ATRNL1: variants seen among roughly 807,000 people sequenced by gnomAD.
The protein encoded by ATRNL1 is attractin like 1.
A neutral mutation model predicts 182.7 loss-of-function variants in ATRNL1; 95 were observed. That is an observed-to-expected ratio of 0.52 (90% CI 0.44 to 0.62). ATRNL1 has a LOEUF of 0.62. ATRNL1 is among the 20% of genes least tolerant of loss of function. The pLI, the probability that ATRNL1 is intolerant of heterozygous loss-of-function variation, is 0.00. For synonymous variants in ATRNL1, 576 were observed against 568.3 expected, an observed-to-expected ratio of 1.01 and a Z score of -0.19; for missense variants, 1,471 against 1,679.5, an observed-to-expected ratio of 0.88 and a Z score of 2.17.
chr10:115,197,595 A>G (rs1848408705), intron 8 of ATRNL1, among the ~76,000 whole-genome samples: 1 of 152,140 alleles, frequency 6.6e-6, no homozygotes, highest in Non-Finnish European at 1.5e-5. Flanking sequence ...AAGGTCAAAT[A>G]AGATTACACT....
chr10:115,169,575 A>G (rs977608744), intron 7 of ATRNL1, among the ~76,000 whole-genome samples: 1 of 151,972 alleles, frequency 6.6e-6, no homozygotes, highest in Non-Finnish European at 1.5e-5. Context: ...TTGTTCTTTT[A>G]CAAGATTGTT....
intron 5 of ATRNL1, among the ~76,000 whole-genome samples, chr10:115,156,443 A>C (rs1262361965): frequency 6.6e-6 from 1 of 152,120 alleles, no homozygotes; most frequent in Admixed American, 6.6e-5. Flanking sequence ...TAGATATCCA[A>C]GTGGAAATGT....
intron 26 of ATRNL1, among the ~76,000 whole-genome samples, chr10:115,691,517 T>C (rs542798804): frequency 6.6e-6 from 1 of 152,288 alleles, no homozygotes; most frequent in Non-Finnish European, 1.5e-5. Context: ...AGTTCAGGAA[T>C]TGGAGACCAG....
chr10:115,715,619 A>G (rs186578372), intron 26 of ATRNL1, among the ~76,000 whole-genome samples: 10 of 152,362 alleles, frequency 6.6e-5, no homozygotes, highest in Non-Finnish European at 1.5e-4. Context: ...AGAGACAACT[A>G]ACACATTGGA....
intron 19 of ATRNL1, among the ~76,000 whole-genome samples, chr10:115,367,471 C>T (rs1483437037): frequency 6.7e-6 from 1 of 149,694 alleles, no homozygotes; most frequent in Non-Finnish European, 1.5e-5. Context: ...TGAATGTCCT[C>T]CCATAGCTCA....
intron 26 of ATRNL1, among the ~76,000 whole-genome samples, chr10:115,587,605 G>A (rs1289402878): frequency 1.8e-5 from 2 of 112,778 alleles, no homozygotes; most frequent in Admixed American, 1.0e-4. Context: ...GCAATGCCTC[G>A]CCCGCTTCGG....
intron 14 of ATRNL1, among the ~76,000 whole-genome samples, chr10:115,282,304 A>G (rs1355803097): frequency 3.3e-5 from 5 of 150,078 alleles, no homozygotes; most frequent in African/African-American, 1.2e-4. Flanking sequence ...CATGTGCACA[A>G]TGTGCAGGTT....
intron 28 of ATRNL1, 116 bp from the exon 29 acceptor site, chr10:115,944,542 A>G (rs1348190603): frequency 1.2e-6 from 1 of 830,006 alleles, no homozygotes; most frequent in African/African-American, 1.7e-5. Flanking sequence ...TTCCATTAAC[A>G]GCCAAACGTG....
chr10:115,112,430 A>T (rs1372085437), intron 1 of ATRNL1, among the ~76,000 whole-genome samples: 10 of 152,014 alleles, frequency 6.6e-5, no homozygotes, highest in Non-Finnish European at 1.5e-5. Context: ...TGGATTTCAA[A>T]TTTTTTTTGC....
At chr10:115,651,863 TAAATA>T (rs1555034406) in intron 26 of ATRNL1, among the ~76,000 whole-genome samples, 1 of 152,150 alleles carries the variant, frequency 6.6e-6, no homozygotes, top group East Asian at 1.9e-4. Flanking sequence ...ATGGCAACAG[TAAATA>T]AATATGATAT....
At chr10:115,490,923 T>A (rs1849269407) in intron 24 of ATRNL1, among the ~76,000 whole-genome samples, 1 of 152,178 alleles carries the variant, frequency 6.6e-6, no homozygotes, top group African/African-American at 2.4e-5. Flanking sequence ...TGAGTGGACA[T>A]CCTTTTTGTT....
At chr10:115,680,381 A>G (rs910456421) in intron 26 of ATRNL1, among the ~76,000 whole-genome samples, 5 of 152,108 alleles carry the variant, frequency 3.3e-5, no homozygotes, top group Non-Finnish European at 5.9e-5. Context: ...TGGAGAGTTG[A>G]CATCTTCTCT....
intron 26 of ATRNL1, among the ~76,000 whole-genome samples, chr10:115,598,600 G>T (rs1352605696): frequency 6.6e-6 from 1 of 151,580 alleles, no homozygotes; most frequent in Non-Finnish European, 1.5e-5. Context: ...CTGACCTTGT[G>T]ATCCACCTGC....
At chr10:115,676,305 C>T (rs573273220) in intron 26 of ATRNL1, among the ~76,000 whole-genome samples, 2 of 151,986 alleles carry the variant, frequency 1.3e-5, no homozygotes, top group South Asian at 2.1e-4. Flanking sequence ...TACTAGAGAT[C>T]GACCATAGCT....
At chr10:115,250,871 A>C (rs568676972) in intron 10 of ATRNL1, among the ~76,000 whole-genome samples, 2 of 152,326 alleles carry the variant, frequency 1.3e-5, no homozygotes, top group African/African-American at 2.4e-5. Context: ...TTAATGTAGT[A>C]GAACAATGTA....
chr10:115,303,958 T>C (rs1284994926), intron 17 of ATRNL1, among the ~76,000 whole-genome samples: 1 of 152,146 alleles, frequency 6.6e-6, no homozygotes, highest in African/African-American at 2.4e-5. Flanking sequence ...CAGGGGATCT[T>C]TATCCCGATT....
chr10:115,401,176 G>C (rs1299021750), intron 20 of ATRNL1, among the ~76,000 whole-genome samples: 2 of 151,884 alleles, frequency 1.3e-5, no homozygotes, highest in Non-Finnish European at 2.9e-5. Flanking sequence ...AGGATGAATA[G>C]TCACAGCCTC....
intron 10 of ATRNL1, among the ~76,000 whole-genome samples, chr10:115,248,416 A>G (rs1367479984): frequency 6.6e-6 from 1 of 152,198 alleles, no homozygotes. Context: ...TAAAATATTA[A>G]CACATAGGCT....
rs188781725 is a variant in ATRNL1, at chr10:115,641,037, C to T, written c.3796-86211C>T. 2.0e-5 allele frequency among the ~76,000 whole-genome samples: 3 copies of T among 152,156 alleles called. No homozygotes were observed. The East Asian group carries it at 5.8e-4, about 29-fold the overall frequency. Reference sequence around the variant, plus strand: ...CATTTATTAAATAGGGAATCCTTTCCCCATTGCTTTTAAAGGTAGGAACAA... The same window carrying T: ...CATTTATTAAATAGGGAATCCTTTCTCCATTGCTTTTAAAGGTAGGAACAA... On this transcript the variant is annotated intron_variant, in intron 26 of 28. Coordinates refer to ENST00000355044, the MANE Select transcript of ATRNL1 (RefSeq NM_207303.4).
Sources: allele counts gnomAD v4.1 joint callset (sites outside exome capture counted in the v4.1 genomes callset), GRCh38; gene constraint gnomAD v4.1.1; transcripts MANE v1.5; gene names NCBI Gene and HGNC (gene_info 2026-07-23, HGNC 2026-07-21).